The following CIAO3 variants were observed in gnomAD, a reference collection of about 807,000 sequenced individuals.
The protein encoded by CIAO3 is LET1 like/JFP15.
Under a neutral mutation model 51.5 loss-of-function variants are expected in CIAO3, and 45 were observed. The observed-to-expected ratio is 0.87, with a 90% CI of 0.69 to 1.12. CIAO3 has a LOEUF of 1.12. CIAO3 is among the 50% of genes most tolerant of loss of function. The pLI is 0.00. For missense variants in CIAO3, 668 were observed against 632.5 expected (o/e 1.06, Z -0.60); for synonymous variants, 314 against 269.3 (o/e 1.17, Z -1.63).
chr16:730,715 A>G, intron 10 of CIAO3, 60 bp from the exon 11 acceptor site: 1 of 1,583,190 alleles, frequency 6.3e-7, no homozygotes. Flanking sequence ...CTTCCTGACC[A>G]CCAGGGAGCA....
At chr16:740,689 G>A (rs1225218846) in intron 1 of CIAO3, 1 of 551,164 alleles carries the variant, frequency 1.8e-6, no homozygotes, top group Admixed American at 3.4e-5. Flanking sequence ...TGGGGCACAG[G>A]AGCGGGTTGG....
Position 730,938 on chromosome 16 carries a change from A to G in CIAO3, c.1097T>C (p.Met366Thr), listed in dbSNP as rs377294587. ...KEGQVLLHFAMAYGFRNIQNL... is the reference protein window; with the variant it reads ...KEGQVLLHFATAYGFRNIQNL... ...CTGGATGTTGCGGAAGCCGTACGCC[A>G]TTGCGAAGTGCAGCAGCACCTGGCC... Residue 366 changes from methionine to threonine, a missense_variant, in exon 10 of 11, where the codon ATG (methionine) becomes ACG (threonine). Coordinates refer to ENST00000251588, the MANE Select transcript of CIAO3 (RefSeq NM_022493.3). 16 of 1,612,848 alleles carry G rather than the reference A, an allele frequency of 9.9e-6. No individual in the cohort carries two copies. The highest frequency in any genetic ancestry group is 6.7e-5 in the African/African-American group (5 of 74,954).
At chr16:736,646 G>A (rs991718587) in intron 3 of CIAO3, among the ~76,000 whole-genome samples, 4 of 152,028 alleles carry the variant, frequency 2.6e-5, no homozygotes, top group East Asian at 1.9e-4. Context: ...GATTACAGGC[G>A]TGAACCACCG....
At chr16:731,529 G>A in intron 9 of CIAO3, 36 bp downstream of exon 9, 1 of 1,519,578 alleles carries the variant, frequency 6.6e-7, no homozygotes, top group Non-Finnish European at 8.9e-7. Context: ...GGGCTGTGTG[G>A]CCGCTCTGCC....
rs1351177075 is a variant in CIAO3 at position 737,196 on chromosome 16, T to C, written c.296A>G (p.Asp99Gly). 2 of 1,613,738 alleles carry C rather than the reference T, an allele frequency of 1.2e-6. No individual in the cohort carries two copies. Among genetic ancestry groups the C allele is most frequent in the African/African-American group, 2.7e-5 (2 of 75,062 alleles). Residue 99 changes from aspartate (D) to glycine (G), a missense_variant, in exon 3 of 11, where the codon GAT (aspartate) becomes GGT (glycine). Coordinates refer to ENST00000251588, the MANE Select transcript of CIAO3 (RefSeq NM_022493.3). This position sits in a 1 kb window ranked among gnomAD's most constrained non-coding sequence, Gnocchi z 5.3. ...QSHEELKKVL[D>G]ANKMAAPSQQ... The stretch of plus-strand genomic sequence containing the variant: ...CCGACCACTGCTTACCTTGTTAGCA[T>C]CTAGAACCTTCTTCAGCTCCTCGTG...
At position 739,585 on chromosome 16, in the gene CIAO3, A is replaced by G. The variant is rs1427113515; in HGVS notation, c.162+58T>C. On this transcript the variant is annotated intron_variant, in intron 2 of 10. Transcript: ENST00000251588. ...CGCTCTGTGACGGGAGGAAGCAGAGAAAAGTGTTTCGGATCAGCCGGGCAG... is the reference window on the plus strand; with the variant it reads ...CGCTCTGTGACGGGAGGAAGCAGAGGAAAGTGTTTCGGATCAGCCGGGCAG... The G allele has an allele frequency of 7.2e-6, 11 of 1,532,414 alleles. No individual in the cohort carries two copies. The African/African-American group carries it at 8.2e-5, about 11-fold the overall frequency. The allele number at this position is 1,532,414 out of a possible 1,614,324, so 94.9% of individuals were successfully genotyped here.
In CIAO3 at chr16:730,537, C is replaced by A; in HGVS notation, c.1311G>T (p.Gly437=). 1 of 1,610,946 alleles carries A rather than the reference C, an allele frequency of 6.2e-7. No homozygotes were observed. The highest frequency in any genetic ancestry group is 8.5e-7 in the Non-Finnish European group (1 of 1,179,998). The change falls in exon 11 of 11, where the codon GGG becomes GGT. Residue 437 remains glycine, a synonymous_variant. Coordinates refer to ENST00000251588, the MANE Select transcript of CIAO3 (RefSeq NM_022493.3). ...GCCAGTGTGTGTACAGCTCCTGAAC[C>A]CCAGGCGCGTCCTCGGGCGCCTCAG... The part of the protein sequence containing the change: ...VRAEAPEDAP[G]VQELYTHWLQ...
intron 5 of CIAO3, 174 bp downstream of exon 5, chr16:734,563 G>A: frequency 8.1e-7 from 1 of 1,229,770 alleles, no homozygotes; most frequent in Non-Finnish European, 1.2e-6. Context: ...GCTCCCACGG[G>A]AGGGCAGCCT....
Position 732,323 on chromosome 16 carries a change from C to T in CIAO3, c.874G>A (p.Glu292Lys), listed in dbSNP as rs745700128. 4 of 1,612,794 alleles carry T rather than the reference C, an allele frequency of 2.5e-6. No individual in the cohort carries two copies. The highest frequency in any genetic ancestry group is 1.7e-6 in the Non-Finnish European group (2 of 1,179,678). Reference protein sequence around the residue: ...EEEGVSLPDLEPAPLDSLCSG... With the variant: ...EEEGVSLPDLKPAPLDSLCSG... ...TACAGGCTGTCCAGAGGGGCTGGTT[C>T]CAGGTCGGGGAGGGAGACGCCCTCT... Residue 292 changes from glutamate (E) to lysine (K), a missense_variant, in exon 8 of 11, where the codon GAA (glutamate) becomes AAA (lysine). Physicochemically the swap from Glu to Lys is moderately conservative, Grantham distance 56. Transcript: ENST00000251588.
chr16:732,064 G>A, intron 8 of CIAO3: 2 of 552,000 alleles, frequency 3.6e-6, no homozygotes, highest in Non-Finnish European at 6.4e-6. Context: ...TTTTAGTAGA[G>A]ATGAGGTTTC....
chr16:731,323 G>C, intron 9 of CIAO3: 1 of 622,924 alleles, frequency 1.6e-6, no homozygotes, highest in Non-Finnish European at 2.7e-6. Flanking sequence ...GCCCATGCTG[G>C]CCTCTCGGGC....
chr16:734,019 G>T, intron 6 of CIAO3: 1 of 553,886 alleles, frequency 1.8e-6, no homozygotes, highest in Non-Finnish European at 3.3e-6. Context: ...CTGCCTCTGG[G>T]TGAGCAGTGA....
intron 10 of CIAO3, 76 bp downstream of exon 10, chr16:730,767 T>C: frequency 1.9e-6 from 3 of 1,587,856 alleles, no homozygotes; most frequent in Non-Finnish European, 2.6e-6. Flanking sequence ...TTCCTCCCAC[T>C]CCCAGCCTGG....
In CIAO3 at chr16:737,294, G is replaced by A. The variant is rs762110059; in HGVS notation, c.198C>T (p.Val66=). ...GGTRRLEKAK[V]SLNDCLACSG... ...TGCACGCCAGGCAGTCGTTTAGCGAGACCTTGGCCTTCTCCAGCCTCCGGG... is the reference window on the plus strand; with the variant it reads ...TGCACGCCAGGCAGTCGTTTAGCGAAACCTTGGCCTTCTCCAGCCTCCGGG... The change falls in exon 3 of 11, where the codon GTC becomes GTT. Residue 66 remains valine, a synonymous_variant. Transcript: ENST00000251588. This position sits in a 1 kb window ranked among gnomAD's most constrained non-coding sequence, Gnocchi z 5.3. The A allele has an allele frequency of 2.0e-5, 33 of 1,613,268 alleles. No individual in the cohort carries two copies. The East Asian group carries it at 5.3e-4, about 26-fold the overall frequency.
At chr16:734,047 C>T (rs955998021) in intron 6 of CIAO3, 182 bp downstream of exon 6, 11 of 610,196 alleles carry the variant, frequency 1.8e-5, no homozygotes, top group African/African-American at 3.7e-5. Context: ...TGGATCAGAA[C>T]GAAGCCCTCT....
intron 1 of CIAO3, 54 bp from the exon 2 acceptor site, chr16:739,792 G>A: frequency 6.4e-7 from 1 of 1,560,464 alleles, no homozygotes; most frequent in Admixed American, 1.7e-5. Flanking sequence ...GAGGTTCCCT[G>A]GGAGGCCAGG....
intron 7 of CIAO3, 167 bp from the exon 8 acceptor site, chr16:732,540 C>G (rs1003104172): frequency 1.9e-5 from 15 of 773,034 alleles, no homozygotes; most frequent in Non-Finnish European, 3.1e-5. Flanking sequence ...ACTCCTGAAG[C>G]CCCTCTGGAG....
At chr16:733,173 T>C (rs2071952) in intron 7 of CIAO3, 125 bp downstream of exon 7, 356,773 of 1,262,034 alleles carry the variant, frequency 0.28, 66,545 homozygotes, top group East Asian at 0.81. Flanking sequence ...CGTGCACGCA[T>C]GCGAGCCCCC....
Position 740,846 on chromosome 16 carries a change from G to A in CIAO3, c.66+74C>T, listed in dbSNP as rs1241665388. On this transcript the variant is annotated intron_variant, in intron 1 of 10. Transcript: ENST00000251588. Reference sequence around the variant, plus strand: ...TCTCATTCCTCAGGGGAGGAAGTGGGGCGCAGAGCAATTTCCCTCCGCGCG... The same window carrying A: ...TCTCATTCCTCAGGGGAGGAAGTGGAGCGCAGAGCAATTTCCCTCCGCGCG... 1.2e-4 allele frequency: 162 copies of A among 1,392,014 alleles called. 2 individuals carry two copies. The South Asian group carries it at 1.7e-3, about 15-fold the overall frequency. 86.2% of individuals were successfully genotyped at this position (1,392,014 alleles called of 1,614,324 possible). A position where few individuals can be genotyped will look rare whatever the true frequency, so the allele number is the denominator to read the frequency against.
Sources: allele counts gnomAD v4.1 joint callset (sites outside exome capture counted in the v4.1 genomes callset), GRCh38; gene constraint gnomAD v4.1.1; non-coding constraint Gnocchi (gnomAD v3.1); transcripts MANE v1.5; gene names NCBI Gene and HGNC (gene_info 2026-07-23, HGNC 2026-07-21).